The following PIK3C2G variants were observed in gnomAD, a reference collection of about 807,000 sequenced individuals.
PIK3C2G encodes the protein phosphatidylinositol-4-phosphate 3-kinase catalytic subunit type 2 gamma.
Under a neutral mutation model 181.1 loss-of-function variants are expected in PIK3C2G, and 168 were observed. That is an observed-to-expected ratio of 0.93 (90% CI 0.82 to 1.05). The LOEUF (loss-of-function observed/expected upper bound fraction) is 1.05, where lower values mean the gene tolerates loss of function less well. Among genes scored for constraint, PIK3C2G ranks in the 50% least tolerant of loss-of-function variants. The pLI is 0.00. For synonymous variants in PIK3C2G, 573 were observed against 592.2 expected (o/e 0.97, Z 0.47); for missense variants, 1,869 against 1,732.8 (o/e 1.08, Z -1.40).
chr12:18,395,472 A>G (rs931963713), intron 15 of PIK3C2G, among the ~76,000 whole-genome samples: 3 of 149,688 alleles, frequency 2.0e-5, no homozygotes, highest in Non-Finnish European at 4.5e-5. Flanking sequence ...AATCCAGCTG[A>G]GTTAGTTTAG....
At chr12:18,275,690 T>G (rs1180571767) in intron 1 of PIK3C2G, among the ~76,000 whole-genome samples, 1 of 152,174 alleles carries the variant, frequency 6.6e-6, no homozygotes, top group Non-Finnish European at 1.5e-5. Flanking sequence ...CTATCTTCTA[T>G]TTTTCTTACT....
At chr12:18,599,391 C>G (rs968226141) in intron 30 of PIK3C2G, among the ~76,000 whole-genome samples, 1 of 151,576 alleles carries the variant, frequency 6.6e-6, no homozygotes, top group African/African-American at 2.4e-5. Flanking sequence ...AGTAAACTAT[C>G]GCAAGAGCAA....
intron 29 of PIK3C2G, among the ~76,000 whole-genome samples, chr12:18,581,380 T>A (rs1215349637): frequency 6.6e-6 from 1 of 152,250 alleles, no homozygotes; most frequent in African/African-American, 2.4e-5. Context: ...CACATTTAGC[T>A]GAGTCATTGA....
rs554331427 is a variant in PIK3C2G at position 18,593,609 on chromosome 12, A to G, written c.4012-885A>G. On this transcript the variant is annotated intron_variant, in intron 29 of 32. Coordinates refer to ENST00000538779, the MANE Select transcript of PIK3C2G (RefSeq NM_001288772.2). ...ATTATTCTTTGGTGCCCTTTAGATAATAATGTAAGATCTCATGGAGAGGAC... is the reference window on the plus strand; with the variant it reads ...ATTATTCTTTGGTGCCCTTTAGATAGTAATGTAAGATCTCATGGAGAGGAC... 3.3e-5 allele frequency among the ~76,000 whole-genome samples: 5 copies of G among 151,994 alleles called. 1 individual carries two copies. The South Asian group carries it at 1.0e-3, about 32-fold the overall frequency.
the PIK3C2G span, chr12:18,705,206 T>C: frequency 6.2e-7 from 1 of 1,613,908 alleles, no homozygotes; most frequent in Non-Finnish European, 8.5e-7. Context: ...ATCAAGCATA[T>C]CAGAAAGCAA....
At chr12:18,675,605 T>G in the PIK3C2G span, among the ~76,000 whole-genome samples, 3 of 152,118 alleles carry the variant, frequency 2.0e-5, no homozygotes, top group Non-Finnish European at 4.4e-5. Flanking sequence ...AATAGCAAAG[T>G]CATAGAACCA....
chr12:18,293,954 G>T lies in PIK3C2G; in HGVS notation c.973G>T (p.Asp325Tyr). 6.2e-7 allele frequency: 1 copy of T among 1,601,610 alleles called. No homozygotes were observed. The highest frequency in any genetic ancestry group is 8.6e-7 in the Non-Finnish European group (1 of 1,168,992). Residue 325 changes from aspartate to tyrosine, a missense_variant, in exon 5 of 33, where the codon GAC becomes TAC. By Grantham distance (160) the Asp-to-Tyr change is radical. Coordinates refer to ENST00000538779, the MANE Select transcript of PIK3C2G (RefSeq NM_001288772.2). ...AGAAATTCTGCATTTTTGCACAAAT[G>T]ACCAGCTACTCCCCAAAGATCATAT... ...IAEILHFCTN[D>Y]QLLPKDHILS...
chr12:18,328,727 T>G (rs539545540), intron 8 of PIK3C2G, among the ~76,000 whole-genome samples: 2 of 152,130 alleles, frequency 1.3e-5, no homozygotes, highest in South Asian at 4.1e-4. Context: ...GGGCTTAGTA[T>G]AATATAGTGA....
intron 18 of PIK3C2G, among the ~76,000 whole-genome samples, chr12:18,456,688 G>C (rs1218645419): frequency 6.6e-6 from 1 of 152,126 alleles, no homozygotes; most frequent in Non-Finnish European, 1.5e-5. Context: ...CTGGCCCCCA[G>C]GTAACCTTTT....
chr12:18,712,061 T>C, the PIK3C2G span, among the ~76,000 whole-genome samples: 8 of 152,290 alleles, frequency 5.3e-5, no homozygotes, highest in South Asian at 1.7e-3. Context: ...TTTATTACAT[T>C]TGTAAATTTA....
intron 18 of PIK3C2G, among the ~76,000 whole-genome samples, chr12:18,438,206 T>G (rs80320801): frequency 0.017 from 2,551 of 151,992 alleles, 205 homozygotes; most frequent in Admixed American, 0.13. Flanking sequence ...TTATTAACAA[T>G]TATTTATTCT....
chr12:18,255,599 G>T (rs7975667), intron 1 of PIK3C2G, among the ~76,000 whole-genome samples: 66,840 of 151,980 alleles, frequency 0.44, 15,139 homozygotes, highest in East Asian at 0.75. Context: ...ACAGGAGAGC[G>T]CACAGATAAT....
At chr12:18,307,395 T>C (rs1378934185) in intron 5 of PIK3C2G, among the ~76,000 whole-genome samples, 2 of 151,862 alleles carry the variant, frequency 1.3e-5, no homozygotes, top group African/African-American at 4.8e-5. Flanking sequence ...AAACTTTTTA[T>C]TGTATCACAG....
At chr12:18,494,347 A>G (rs1279984554) in intron 20 of PIK3C2G, among the ~76,000 whole-genome samples, 1 of 152,134 alleles carries the variant, frequency 6.6e-6, no homozygotes, top group Admixed American at 6.5e-5. Context: ...GCTTCATTCA[A>G]TGATGATAAA....
intron 5 of PIK3C2G, among the ~76,000 whole-genome samples, chr12:18,310,134 G>A (rs547374361): frequency 1.3e-5 from 2 of 151,912 alleles, no homozygotes; most frequent in East Asian, 3.9e-4. Flanking sequence ...ACTTAGACTA[G>A]AAAAATAATT....
intron 29 of PIK3C2G, among the ~76,000 whole-genome samples, chr12:18,575,361 A>G (rs1946181483): frequency 6.6e-6 from 1 of 152,220 alleles, no homozygotes; most frequent in Non-Finnish European, 1.5e-5. Flanking sequence ...CAAGTCCTCC[A>G]GAAGATCTCA....
chr12:18,370,210 TCAAA>T (rs1429876101), intron 12 of PIK3C2G, among the ~76,000 whole-genome samples: 3 of 152,296 alleles, frequency 2.0e-5, no homozygotes, highest in East Asian at 1.9e-4. Context: ...AAGCCCCTTC[TCAAA>T]CAATCATGCC....
Position 18,608,558 on chromosome 12 carries a change from G to C in PIK3C2G, c.4088-977G>C, listed in dbSNP as rs746441351. 6.1e-3 allele frequency among the ~76,000 whole-genome samples: 772 copies of C among 127,132 alleles called. 1 individual carries two copies. Among genetic ancestry groups the C allele is most frequent in the Middle Eastern group, 0.014 (3 of 216 alleles). The allele number at this position is 127,132 out of a possible 152,430, so 83.4% of individuals were successfully genotyped here. A position where few individuals can be genotyped will look rare whatever the true frequency, so the allele number is the denominator to read the frequency against. On this transcript the variant is annotated intron_variant, in intron 30 of 32. Transcript: ENST00000538779. ...AGCATCACACACTGGGGCCTGTTGT[G>C]GGGTGGGGGGAGGGGGGAGGAATAG...
intron 29 of PIK3C2G, among the ~76,000 whole-genome samples, chr12:18,582,098 AAGCAGGCTGGACAGG>A (rs1197584372): frequency 6.6e-6 from 1 of 152,166 alleles, no homozygotes; most frequent in Non-Finnish European, 1.5e-5. Flanking sequence ...AACAGTTTCA[AAGCAGGCTGGACAGG>A]ATGGCCAGCT....
Sources: gnomAD v4.1 joint callset for allele counts (sites outside exome capture counted in the v4.1 genomes callset) on GRCh38, gnomAD v4.1.1 for gene constraint, MANE v1.5 for transcripts, NCBI Gene and HGNC (gene_info 2026-07-23, HGNC 2026-07-21) for gene names.